Variants in MAPRE2 observed in about 807,000 individuals in gnomAD.
MAPRE2 encodes microtubule associated protein RP/EB family member 2.
A neutral mutation model predicts 43.2 loss-of-function variants in MAPRE2; 13 were observed. The observed-to-expected ratio is 0.30, with a 90% CI of 0.20 to 0.48. MAPRE2 has a LOEUF of 0.48. Ranked by LOEUF, MAPRE2 falls within the 20% of genes least tolerant of loss-of-function variation. MAPRE2 has a pLI of 0.99. For missense variants in MAPRE2, 161 were observed against 400.2 expected, an observed-to-expected ratio of 0.40 and a Z score of 5.10; for synonymous variants, 135 against 148.8, an observed-to-expected ratio of 0.91 and a Z score of 0.68.
chr18:34,988,629 A>C (rs901932802), intron 1 of MAPRE2: 6 of 132,436 alleles, frequency 4.5e-5, no homozygotes, highest in African/African-American at 1.7e-4. Flanking sequence ...GGTTTCCTGC[A>C]ACATGCCTGA....
chr18:34,984,879 GTTATATAATAT>G (rs2097018313), intron 1 of MAPRE2, among the ~76,000 whole-genome samples: 1 of 66,114 alleles, frequency 1.5e-5, no homozygotes, highest in Non-Finnish European at 2.7e-5. Flanking sequence ...TATATTTTAT[GTTATATAATAT>G]ATAATATATT....
intron 6 of MAPRE2, among the ~76,000 whole-genome samples, chr18:35,136,176 TATTCTC>T (rs1910383764): frequency 6.6e-6 from 1 of 152,192 alleles, no homozygotes; most frequent in African/African-American, 2.4e-5. Context: ...AGCAGATACT[TATTCTC>T]ATTATGTTTT....
intron 1 of MAPRE2, among the ~76,000 whole-genome samples, chr18:35,047,728 A>C (rs927954204): frequency 4.6e-5 from 7 of 151,972 alleles, no homozygotes; most frequent in Admixed American, 6.6e-5. Flanking sequence ...AAAAAAAAAA[A>C]AAAACACTGT....
intron 2 of MAPRE2, among the ~76,000 whole-genome samples, chr18:35,088,747 A>G (rs745954808): frequency 6.6e-6 from 1 of 152,260 alleles, no homozygotes; most frequent in Admixed American, 6.5e-5. Context: ...AGAAGAAAAT[A>G]TAGAATTTCA....
chr18:35,130,309 G>A (rs1212576499), intron 5 of MAPRE2, among the ~76,000 whole-genome samples: 3 of 152,084 alleles, frequency 2.0e-5, no homozygotes, highest in Non-Finnish European at 4.4e-5. Flanking sequence ...AATTTAAGCT[G>A]GTCACCTTCA....
intron 1 of MAPRE2, among the ~76,000 whole-genome samples, chr18:35,052,529 T>C (rs768608153): frequency 1.3e-5 from 2 of 152,238 alleles, no homozygotes; most frequent in African/African-American, 2.4e-5. Flanking sequence ...ATGAATATTG[T>C]TATACAAGTC....
Position 35,041,643 on chromosome 18 carries a change from G to A in MAPRE2, c.104G>A (p.Arg35His). ...ATTCCTTTCCGGAAGCACACAGTGC[G>A]CGGGGAGCGTTCCTACAGGTAATGG... ...TIIPFRKHTV[R>H]GERSYSWGMA... The change falls in exon 1 of 7, where the codon CGC becomes CAC. Residue 35 changes from arginine (R) to histidine (H), a missense_variant. Around this residue, in one of 2 missense-constraint regions of MAPRE2, gnomAD observed 65 missense variants for 246.9 expected, o/e 0.26. Coordinates refer to ENST00000300249, the MANE Select transcript of MAPRE2 (RefSeq NM_014268.4). 1 of 1,614,242 alleles carries A rather than the reference G, an allele frequency of 6.2e-7. No individual in the cohort carries two copies.
intron 4 of MAPRE2, among the ~76,000 whole-genome samples, chr18:35,118,298 CT>C (rs1438166615): frequency 6.6e-6 from 1 of 152,186 alleles, no homozygotes; most frequent in African/African-American, 2.4e-5. Flanking sequence ...GTAATGACCC[CT>C]AAACAGTGGA....
At chr18:35,033,227 T>C (rs2097048680) in intron 2 of MAPRE2, among the ~76,000 whole-genome samples, 1 of 152,226 alleles carries the variant, frequency 6.6e-6, no homozygotes, top group Admixed American at 6.5e-5. Context: ...TCAATAAATG[T>C]AATCTAGCAT....
rs149998311 is a variant in MAPRE2, at chr18:35,112,450, C to T, written c.610+10291C>T. Among the ~76,000 whole-genome samples, 567 of 152,252 alleles carry T rather than the reference C, an allele frequency of 3.7e-3. 1 individual carries two copies. Among genetic ancestry groups the T allele is most frequent in the Middle Eastern group, 0.017 (5 of 294 alleles). On this transcript the variant is annotated intron_variant, in intron 4 of 6. Coordinates refer to ENST00000300249, the MANE Select transcript of MAPRE2 (RefSeq NM_014268.4). ...CCTCCCAAAGTGCTGGGATTACAGGCGTGAGCTACCACACCCGGCAGAACA... is the reference window on the plus strand; with the variant it reads ...CCTCCCAAAGTGCTGGGATTACAGGTGTGAGCTACCACACCCGGCAGAACA...
At chr18:34,997,165 A>T (rs1237409233) in intron 1 of MAPRE2, among the ~76,000 whole-genome samples, 1 of 152,172 alleles carries the variant, frequency 6.6e-6, no homozygotes, top group Non-Finnish European at 1.5e-5. Flanking sequence ...ACAAATAGTG[A>T]TGCTCAATAA....
chr18:34,998,998 A>G (rs1350959066), intron 1 of MAPRE2, among the ~76,000 whole-genome samples: 2 of 151,986 alleles, frequency 1.3e-5, no homozygotes, highest in Non-Finnish European at 2.9e-5. Context: ...TTGCATGGTC[A>G]AAGGAATTAC....
At chr18:35,124,935 A>G (rs148267931) in intron 4 of MAPRE2, among the ~76,000 whole-genome samples, 1 of 152,276 alleles carries the variant, frequency 6.6e-6, no homozygotes, top group African/African-American at 2.4e-5. Context: ...GGGCTTCAAC[A>G]GAGCTGAAGC....
chr18:34,981,889 T>A (rs1568959686), intron 1 of MAPRE2, among the ~76,000 whole-genome samples: 3 of 79,462 alleles, frequency 3.8e-5, no homozygotes, highest in Admixed American at 1.4e-4. Context: ...TTTTATTTAT[T>A]TTTTTTTTTT....
chr18:35,035,873 C>T (rs12966782), intron 2 of MAPRE2, among the ~76,000 whole-genome samples: 3,788 of 131,858 alleles, frequency 0.029, 116 homozygotes, highest in South Asian at 0.088. Context: ...TGAATGAGAG[C>T]GCTCACAGCT....
intron 4 of MAPRE2, among the ~76,000 whole-genome samples, chr18:35,121,719 A>G (rs923206476): frequency 2.6e-5 from 4 of 152,352 alleles, no homozygotes; most frequent in African/African-American, 7.2e-5. Context: ...CATAAGCATC[A>G]TTGAGCCAAG....
intron 2 of MAPRE2, among the ~76,000 whole-genome samples, chr18:35,094,602 T>G (rs1357888962): frequency 6.6e-6 from 1 of 152,200 alleles, no homozygotes; most frequent in Non-Finnish European, 1.5e-5. Context: ...GTTAGTGGTT[T>G]AGGTTGAAAA....
chr18:35,092,984 G>A lies in MAPRE2; in HGVS notation c.251-4462G>A, dbSNP rs545905621. On this transcript the variant is annotated intron_variant, in intron 2 of 6. Coordinates refer to ENST00000300249, the MANE Select transcript of MAPRE2 (RefSeq NM_014268.4). ...CCCAGCACTTTGGGAGGCTGAGGTG[G>A]GCAGATCACTTGAGGTCGGTAGTTC... is the stretch of plus-strand genomic sequence containing the variant. 1.7e-3 allele frequency among the ~76,000 whole-genome samples: 262 copies of A among 152,158 alleles called. 1 individual carries two copies. Among genetic ancestry groups the A allele is most frequent in the South Asian group, 8.5e-3 (41 of 4,810 alleles).
intron 2 of MAPRE2, among the ~76,000 whole-genome samples, chr18:35,010,959 C>A (rs1478810879): frequency 1.3e-5 from 2 of 152,020 alleles, no homozygotes; most frequent in Non-Finnish European, 2.9e-5. Context: ...TTTTACCCTT[C>A]TGGAGGTTTG....
Sources: gnomAD v4.1 joint callset for allele counts (sites outside exome capture counted in the v4.1 genomes callset) on GRCh38, gnomAD v4.1.1 for gene constraint, gnomAD v4.1.1 regional missense constraint, MANE v1.5 for transcripts, NCBI Gene and HGNC (gene_info 2026-07-23, HGNC 2026-07-21) for gene names.